UST: variants seen among roughly 807,000 people sequenced by gnomAD.
The protein encoded by UST is uronyl 2-sulfotransferase.
UST carries 21 observed loss-of-function variants against 45.6 expected under a neutral mutation model. That is an observed-to-expected ratio of 0.46 (90% CI 0.33 to 0.66). UST has a LOEUF of 0.66. Among genes scored for constraint, UST ranks in the 30% least tolerant of loss-of-function variants. The probability of loss-of-function intolerance (pLI) is 0.02; values close to 1 mark genes in which losing one functional copy is unlikely to be tolerated. For missense variants in UST, 463 were observed against 512.4 expected, an observed-to-expected ratio of 0.90 and a Z score of 0.93; for synonymous variants, 215 against 200.6, an observed-to-expected ratio of 1.07 and a Z score of -0.61.
chr6:148,764,120 C>A (rs9498150), intron 1 of UST, among the ~76,000 whole-genome samples: 1 of 152,092 alleles, frequency 6.6e-6, no homozygotes, highest in East Asian at 1.9e-4. Flanking sequence ...TTCTTCCAAT[C>A]CACATGCTTG....
intron 4 of UST, among the ~76,000 whole-genome samples, chr6:148,954,930 T>C (rs1410731988): frequency 2.0e-5 from 3 of 152,246 alleles, no homozygotes; most frequent in Non-Finnish European, 2.9e-5. Context: ...TGATTGTCAC[T>C]GTGCCTCACT....
At chr6:149,037,244 A>G (rs557112494) in intron 7 of UST, among the ~76,000 whole-genome samples, 1 of 152,346 alleles carries the variant, frequency 6.6e-6, no homozygotes, top group South Asian at 2.1e-4. Context: ...AATGCAAACA[A>G]AAGCCAGCTC....
At chr6:148,921,373 C>T (rs1186004255) in intron 2 of UST, among the ~76,000 whole-genome samples, 2 of 152,212 alleles carry the variant, frequency 1.3e-5, no homozygotes, top group African/African-American at 4.8e-5. Flanking sequence ...ATGGAGAAGA[C>T]GTGAGTGTTT....
At chr6:148,983,287 T>A (rs1781173731) in intron 5 of UST, among the ~76,000 whole-genome samples, 2 of 152,066 alleles carry the variant, frequency 1.3e-5, no homozygotes, top group Admixed American at 1.3e-4. Flanking sequence ...TGGAATGGAG[T>A]CTTACTGGGT....
intron 2 of UST, among the ~76,000 whole-genome samples, chr6:148,931,557 T>C (rs1183863413): frequency 6.6e-6 from 1 of 152,222 alleles, no homozygotes; most frequent in Non-Finnish European, 1.5e-5. Context: ...AACTGCAAAC[T>C]AGAACTAATT....
intron 1 of UST, among the ~76,000 whole-genome samples, chr6:148,824,674 C>CTTTTTTTTTTTTTTTT (rs535345402): frequency 1.5e-5 from 2 of 133,378 alleles, no homozygotes; most frequent in African/African-American, 5.6e-5. Context: ...TATTTTCTTT[C>CTTTTTTTTTTTTTTTT]TTTTTTTTTT....
chr6:148,800,850 C>G (rs952019311), intron 1 of UST, among the ~76,000 whole-genome samples: 19 of 150,158 alleles, frequency 1.3e-4, no homozygotes, highest in African/African-American at 4.6e-4. Flanking sequence ...TCTTAAAACC[C>G]TGAGGGAATT....
chr6:148,773,993 TC>T (rs1181549240), intron 1 of UST, among the ~76,000 whole-genome samples: 2 of 152,204 alleles, frequency 1.3e-5, no homozygotes, highest in Non-Finnish European at 2.9e-5. Flanking sequence ...CTTATCTGAC[TC>T]TATGCTGGTG....
chr6:149,074,138 G>T lies in UST; in HGVS notation c.*22G>T. On this transcript the variant is annotated 3_prime_UTR_variant, in exon 8 of 8. Transcript: ENST00000367463. ...GTGATGTGACTGTGTTGCCTCTATG[G>T]CTTTATCTCCCTTTTCCAGAAAGTT... 1 of 1,604,480 alleles carries T rather than the reference G, an allele frequency of 6.2e-7. No homozygotes were observed. The highest frequency in any genetic ancestry group is 8.5e-7 in the Non-Finnish European group (1 of 1,173,168).
chr6:149,063,514 C>G (rs1169896133), intron 7 of UST, among the ~76,000 whole-genome samples: 2 of 152,160 alleles, frequency 1.3e-5, no homozygotes, highest in African/African-American at 4.8e-5. Flanking sequence ...AAAAGGCAAC[C>G]AAACCACAAA....
rs563531619 is a variant in UST at position 148,798,708 on chromosome 6, C to T, written c.247+51031C>T. On this transcript the variant is annotated intron_variant, in intron 1 of 7. Transcript: ENST00000367463. ...GGGGAGAGCTTCGAGAAGGGATGCT[C>T]ACCAGGGCCAAACACTGCCGAAGGT... 2.7e-4 allele frequency among the ~76,000 whole-genome samples: 41 copies of T among 152,162 alleles called. No homozygotes were observed. The South Asian group carries it at 3.7e-3, about 14-fold the overall frequency.
At chr6:148,802,064 A>G (rs527620184) in intron 1 of UST, among the ~76,000 whole-genome samples, 4 of 152,356 alleles carry the variant, frequency 2.6e-5, no homozygotes, top group East Asian at 3.9e-4. Flanking sequence ...GCAACTTCAC[A>G]TTGTGAAAAC....
chr6:148,882,081 A>G (rs561863073), intron 1 of UST, among the ~76,000 whole-genome samples: 1 of 152,290 alleles, frequency 6.6e-6, no homozygotes, highest in Non-Finnish European at 1.5e-5. Flanking sequence ...AAACCATGGG[A>G]GCACGGTGAT....
intron 5 of UST, among the ~76,000 whole-genome samples, chr6:149,003,458 A>G (rs1408628389): frequency 6.7e-6 from 1 of 150,242 alleles, no homozygotes; most frequent in Non-Finnish European, 1.5e-5. Flanking sequence ...AAAAAAAAAC[A>G]TTAAGGCACC....
Position 148,747,528 on chromosome 6 carries a change from G to A in UST, c.98G>A (p.Arg33His), listed in dbSNP as rs769229603. 17 of 1,547,884 alleles carry A rather than the reference G, an allele frequency of 1.1e-5. No homozygotes were observed. In the Admixed American group the frequency reaches 3.1e-4, roughly 29 times the overall value. The change falls in exon 1 of 8, where the codon CGT becomes CAT. Residue 33 changes from arginine to histidine, a missense_variant. This residue lies in a region of UST where 176 missense variants were observed against 138.3 expected (regional missense o/e 1.27). Coordinates refer to ENST00000367463, the MANE Select transcript of UST (RefSeq NM_005715.3). ...CCTCCGGGCCTGGGCAGCTGGAAGC[G>A]TCGGGTGCCCCTGCTGCCTTTCCTG... ...GAPPGLGSWK[R>H]RVPLLPFLRF...
chr6:149,051,825 T>A (rs1042537521), intron 7 of UST, among the ~76,000 whole-genome samples: 2 of 152,166 alleles, frequency 1.3e-5, no homozygotes, highest in Non-Finnish European at 2.9e-5. Context: ...GATTTTTGAA[T>A]GTTTATTATT....
intron 2 of UST, among the ~76,000 whole-genome samples, chr6:148,930,258 G>A (rs1779896122): frequency 6.6e-6 from 1 of 152,166 alleles, no homozygotes; most frequent in Non-Finnish European, 1.5e-5. Context: ...TTCTTACAGG[G>A]CAAGAGACTT....
chr6:149,020,429 G>A (rs1775961389), intron 6 of UST, among the ~76,000 whole-genome samples: 1 of 152,136 alleles, frequency 6.6e-6, no homozygotes, highest in African/African-American at 2.4e-5. Context: ...TTTATAACAG[G>A]AAACATGATT....
At chr6:148,856,590 T>C (rs1285542735) in intron 1 of UST, among the ~76,000 whole-genome samples, 1 of 152,146 alleles carries the variant, frequency 6.6e-6, no homozygotes, top group Non-Finnish European at 1.5e-5. Flanking sequence ...AGCTACCTCT[T>C]GAAGAGATGG....
Sources: allele counts gnomAD v4.1 joint callset (sites outside exome capture counted in the v4.1 genomes callset), GRCh38; gene constraint gnomAD v4.1.1; regional missense constraint gnomAD v4.1.1; transcripts MANE v1.5; gene names NCBI Gene and HGNC (gene_info 2026-07-23, HGNC 2026-07-21).